Variants in HEATR4 observed in about 807,000 individuals in gnomAD.
The protein encoded by HEATR4 is HEAT repeat containing 4, also known as HEAT repeat-containing protein 4.
A neutral mutation model predicts 108.8 loss-of-function variants in HEATR4; 95 were observed. The observed-to-expected ratio is 0.87, with a 90% confidence interval of 0.74 to 1.04. The LOEUF (loss-of-function observed/expected upper bound fraction) is 1.04, where lower values mean the gene tolerates loss of function less well. Ranked by LOEUF, HEATR4 falls within the 50% of genes least tolerant of loss-of-function variation. The probability of loss-of-function intolerance (pLI) is 0.00; values close to 1 mark genes in which losing one functional copy is unlikely to be tolerated. For missense variants in HEATR4, 1,152 were observed against 1,253.8 expected, an observed-to-expected ratio of 0.92 and a Z score of 1.23; for synonymous variants, 443 against 459.4, an observed-to-expected ratio of 0.96 and a Z score of 0.46.
chr14:73,526,530 C>T (rs1888346478), intron 2 of HEATR4, among the ~76,000 whole-genome samples: 1 of 151,842 alleles, frequency 6.6e-6, no homozygotes, highest in Non-Finnish European at 1.5e-5. Flanking sequence ...GAGACTCCTA[C>T]TTGGGGAAAG....
At chr14:73,590,401 G>C in the HEATR4 span, among the ~76,000 whole-genome samples, 2 of 152,402 alleles carry the variant, frequency 1.3e-5, no homozygotes, top group East Asian at 3.9e-4. Context: ...AGACTCAGGA[G>C]TCCAGCTGGC....
chr14:73,568,442 TG>T, the HEATR4 span, among the ~76,000 whole-genome samples: 1 of 151,488 alleles, frequency 6.6e-6, no homozygotes, highest in Admixed American at 6.6e-5. Flanking sequence ...GGTAGTCCTT[TG>T]AGGTATTTGA....
chr14:73,614,825 A>C, the HEATR4 span, among the ~76,000 whole-genome samples: 1 of 151,142 alleles, frequency 6.6e-6, no homozygotes, highest in Non-Finnish European at 1.5e-5. Flanking sequence ...AGCCGGGCGC[A>C]GTGGCTCACG....
chr14:73,621,761 C>CTTTTTT, the HEATR4 span, among the ~76,000 whole-genome samples: 46 of 109,534 alleles, frequency 4.2e-4, no homozygotes, highest in African/African-American at 1.4e-3. Context: ...TTCTTTCTTT[C>CTTTTTT]TTTTTTTTTT....
At chr14:73,603,511 T>C in the HEATR4 span, among the ~76,000 whole-genome samples, 1 of 151,992 alleles carries the variant, frequency 6.6e-6, no homozygotes, top group East Asian at 1.9e-4. Context: ...CATGCTACCA[T>C]GCCCTGCTAA....
intron 10 of HEATR4, among the ~76,000 whole-genome samples, chr14:73,505,380 GTTTT>G (rs1316475105): frequency 1.3e-5 from 2 of 151,672 alleles, no homozygotes; most frequent in Non-Finnish European, 2.9e-5. Context: ...TGGGACAATG[GTTTT>G]TTTGTTTTGT....
the HEATR4 span, among the ~76,000 whole-genome samples, chr14:73,615,113 C>T: frequency 6.7e-6 from 1 of 149,512 alleles, no homozygotes; most frequent in East Asian, 2.0e-4. Context: ...GGCGGCCAGG[C>T]GCGGTGGCTC....
the HEATR4 span, chr14:73,612,487 G>A: frequency 9.6e-6 from 9 of 940,044 alleles, no homozygotes; most frequent in Non-Finnish European, 1.3e-5. Flanking sequence ...CTCCGCCCTC[G>A]ACTACTTTCC....
At position 73,512,141 on chromosome 14, in the gene HEATR4, ACT is replaced by A; in HGVS notation, c.1421_1422del (p.Glu474ValfsTer4). 1 of 1,614,084 alleles carries A rather than the reference ACT, an allele frequency of 6.2e-7. No homozygotes were observed. The highest frequency in any genetic ancestry group is 8.5e-7 in the Non-Finnish European group (1 of 1,180,012). ...EWKTAWALII[E>X]WHHETVENLL... ...AGGTTCTCTACTGTCTCATGGTGCC[ACT>A]CTATGACTGAGCCGCAGTGAGGGAA... On this transcript the variant is annotated frameshift_variant, in exon 7 of 18. Transcript: ENST00000553558. LOFTEE classifies it high-confidence loss of function.
the HEATR4 span, among the ~76,000 whole-genome samples, chr14:73,603,551 C>T: frequency 6.6e-6 from 1 of 151,960 alleles, no homozygotes; most frequent in Non-Finnish European, 1.5e-5. Context: ...GACAGGGTTT[C>T]ACCATGTTAG....
chr14:73,595,498 C>T, the HEATR4 span: 319 of 1,613,900 alleles, frequency 2.0e-4, no homozygotes, highest in Admixed American at 3.2e-4. Flanking sequence ...TCCCCCTGTG[C>T]CCAGCTTCCC....
the HEATR4 span, among the ~76,000 whole-genome samples, chr14:73,592,941 C>G: frequency 6.6e-6 from 1 of 152,200 alleles, no homozygotes; most frequent in Admixed American, 6.5e-5. Flanking sequence ...TCTATAATAT[C>G]CCAATGAAGT....
chr14:73,582,223 G>A, the HEATR4 span: 2 of 149,116 alleles, frequency 1.3e-5, no homozygotes, highest in Non-Finnish European at 3.0e-5. Context: ...TGGTCATGAG[G>A]TCAGCTGCTC....
At chr14:73,613,494 T>C in the HEATR4 span, among the ~76,000 whole-genome samples, 1 of 152,228 alleles carries the variant, frequency 6.6e-6, no homozygotes, top group Non-Finnish European at 1.5e-5. Context: ...AAATCCACAG[T>C]ATTGGCAATG....
At chr14:73,511,313 G>C (rs570431118) in intron 7 of HEATR4, among the ~76,000 whole-genome samples, 2 of 151,964 alleles carry the variant, frequency 1.3e-5, no homozygotes, top group East Asian at 3.9e-4. Context: ...AGGAGTTCAA[G>C]ACCAGCCTGG....
the HEATR4 span, chr14:73,591,980 G>A: frequency 7.1e-7 from 1 of 1,403,920 alleles, no homozygotes; most frequent in Non-Finnish European, 9.3e-7. Flanking sequence ...CGCTGATCCT[G>A]GAGCCCCCAG....
At position 73,498,209 on chromosome 14, in the gene HEATR4, A is replaced by G. The variant is rs200299006; in HGVS notation, c.2492T>C (p.Val831Ala). The change falls in exon 14 of 18, where the codon GTC becomes GCC. Residue 831 changes from valine (V) to alanine (A), a missense_variant. Physicochemically the swap from Val to Ala is moderately conservative, Grantham distance 64 (BLOSUM62 0). Transcript: ENST00000553558. ...CAGCACGTCTAGGAAGGTGTCCCTG[A>G]CCCGGTCCCCTTGAAGTTTCAGGGC... ...ILALKLQGDR[V>A]RDTFLDVLLL... 6 of 1,613,964 alleles carry G rather than the reference A, an allele frequency of 3.7e-6. No homozygotes were observed.
chr14:73,522,441 G>A lies in HEATR4; in HGVS notation c.712C>T (p.Arg238Cys), dbSNP rs78901745. The A allele has an allele frequency of 0.045, 72,054 of 1,614,210 alleles. 1,861 individuals carry two copies. The highest frequency in any genetic ancestry group is 0.075 in the Middle Eastern group (453 of 6,062). ...ATGTGACTCCAGTCGTACTGCTGGC[G>A]CAGGAAGCTCTGCCACTTGTTGGGG... ...ASPNKWQSFL[R>C]QQYDWSHIRD... The change falls in exon 3 of 18, where the codon CGC (arginine) becomes TGC (cysteine). Residue 238 changes from arginine to cysteine, a missense_variant. Arg to Cys is a radical substitution (Grantham distance 180). Coordinates refer to ENST00000553558, the MANE Select transcript of HEATR4 (RefSeq NM_001220484.1).
rs143605012 is a variant in HEATR4 at position 73,535,142 on chromosome 14, C to A, written c.-151-4898G>T. ...AACTGGTAAAACCAAATTTATATTG[C>A]TAACTTGTTTCTAATTTTTTCTCTA... On this transcript the variant is annotated intron_variant, in intron 1 of 17. Coordinates refer to ENST00000553558, the MANE Select transcript of HEATR4 (RefSeq NM_001220484.1). Among the ~76,000 whole-genome samples the A allele has an allele frequency of 0.01, 1,198 of 114,950 alleles. 426 individuals are homozygous for A. In the East Asian group the frequency reaches 0.24, roughly 23 times the overall value. The allele number at this position is 114,950 out of a possible 152,430, so 75.4% of individuals were successfully genotyped here.
Sources: allele counts gnomAD v4.1 joint callset (sites outside exome capture counted in the v4.1 genomes callset), GRCh38; gene constraint gnomAD v4.1.1; transcripts MANE v1.5; gene names NCBI Gene and HGNC (gene_info 2026-07-23, HGNC 2026-07-21).